The following LRMDA variants were observed in gnomAD, a reference collection of about 807,000 sequenced individuals.
LRMDA encodes leucine rich melanocyte differentiation associated, also known as leucine-rich melanocyte differentiation-associated protein.
Under a neutral mutation model 29.8 loss-of-function variants are expected in LRMDA, and 18 were observed. That is an observed-to-expected ratio of 0.60 (90% confidence interval 0.42 to 0.90). LRMDA has a LOEUF of 0.90. LRMDA is among the 40% of genes least tolerant of loss of function. The probability of loss-of-function intolerance (pLI) is 0.00; values close to 1 mark genes in which losing one functional copy is unlikely to be tolerated. For missense variants in LRMDA, 273 were observed against 273.9 expected (o/e 1.00, Z 0.02); for synonymous variants, 125 against 109.4 (o/e 1.14, Z -0.89).
chr10:75,472,235 C>T (rs981888340), intron 2 of LRMDA, among the ~76,000 whole-genome samples: 2 of 152,164 alleles, frequency 1.3e-5, no homozygotes, highest in Non-Finnish European at 2.9e-5. Flanking sequence ...CCACCCTTTT[C>T]AACTTGACAC....
chr10:75,764,928 C>CGTGTGTGT (rs57422251), intron 2 of LRMDA, among the ~76,000 whole-genome samples: 2,450 of 142,832 alleles, frequency 0.017, 42 homozygotes, highest in African/African-American at 0.032. Flanking sequence ...GCAAGAGACA[C>CGTGTGTGT]GTGTGTGTGT....
chr10:76,336,122 C>T (rs879598718), intron 6 of LRMDA, among the ~76,000 whole-genome samples: 1 of 151,824 alleles, frequency 6.6e-6, no homozygotes, highest in South Asian at 2.1e-4. Context: ...ATCACCATTC[C>T]CCAAGGCCTT....
At chr10:75,987,725 G>A (rs1314183122) in intron 2 of LRMDA, among the ~76,000 whole-genome samples, 2 of 152,180 alleles carry the variant, frequency 1.3e-5, no homozygotes, top group East Asian at 3.9e-4. Flanking sequence ...GTTGGTAAGA[G>A]AATGAGCTTT....
intron 5 of LRMDA, among the ~76,000 whole-genome samples, chr10:76,213,958 T>C (rs983885338): frequency 6.6e-6 from 1 of 151,930 alleles, no homozygotes; most frequent in Non-Finnish European, 1.5e-5. Context: ...CCTTTGGAGG[T>C]CATGCAATGT....
intron 2 of LRMDA, among the ~76,000 whole-genome samples, chr10:75,573,448 T>C (rs1430956770): frequency 1.3e-5 from 2 of 152,212 alleles, no homozygotes; most frequent in African/African-American, 4.8e-5. Context: ...TATGTCCTCC[T>C]AGCAATTTAT....
chr10:76,191,905 G>GA (rs751146644), intron 5 of LRMDA, among the ~76,000 whole-genome samples: 34 of 152,292 alleles, frequency 2.2e-4, no homozygotes, highest in Non-Finnish European at 4.6e-4. Flanking sequence ...CATCTTCTGG[G>GA]AGTGGCACCA....
chr10:76,146,875 G>T (rs1850333474), intron 5 of LRMDA, among the ~76,000 whole-genome samples: 1 of 152,138 alleles, frequency 6.6e-6, no homozygotes, highest in African/African-American at 2.4e-5. Flanking sequence ...ATTTAGGGCA[G>T]GCCTGCTGGT....
At chr10:76,264,276 T>C (rs1254993465) in intron 5 of LRMDA, among the ~76,000 whole-genome samples, 1 of 151,652 alleles carries the variant, frequency 6.6e-6, no homozygotes, top group African/African-American at 2.4e-5. Context: ...GGTACATGCC[T>C]GTAGTCTGTA....
rs536610449 is a variant in LRMDA, at chr10:76,443,590, G to T, written c.602-113619G>T. Reference sequence around the variant, plus strand: ...ATGAAACCATCTTTAATATCACTTTGCTAGCTATCAATACAGCATAGTGTA... The same window carrying T: ...ATGAAACCATCTTTAATATCACTTTTCTAGCTATCAATACAGCATAGTGTA... On this transcript the variant is annotated intron_variant, in intron 6 of 6. Transcript: ENST00000611255. 3.3e-5 allele frequency among the ~76,000 whole-genome samples: 5 copies of T among 152,298 alleles called. No individual in the cohort carries two copies. In the South Asian group the frequency reaches 1.0e-3, roughly 32 times the overall value.
At position 75,991,236 on chromosome 10, in the gene LRMDA, G is replaced by A. The variant is rs551774880; in HGVS notation, c.132-44772G>A. Among the ~76,000 whole-genome samples the A allele has an allele frequency of 5.9e-5, 9 of 152,284 alleles. No individual in the cohort carries two copies. In the South Asian group the frequency reaches 1.9e-3, roughly 32 times the overall value. On this transcript the variant is annotated intron_variant, in intron 2 of 6. Transcript: ENST00000611255. The stretch of plus-strand genomic sequence containing the variant: ...TGTGTGCATAATTGCTGGCTGTCGA[G>A]TGGAAGATAGGGAATATAGAATGGG...
At chr10:75,571,601 C>T (rs1283567122) in intron 2 of LRMDA, among the ~76,000 whole-genome samples, 2 of 152,154 alleles carry the variant, frequency 1.3e-5, no homozygotes, top group African/African-American at 2.4e-5. Context: ...GTCATGGGCA[C>T]GTAACACTGT....
intron 5 of LRMDA, among the ~76,000 whole-genome samples, chr10:76,320,194 T>C (rs1438265062): frequency 6.6e-6 from 1 of 152,246 alleles, no homozygotes; most frequent in Non-Finnish European, 1.5e-5. Flanking sequence ...CTACCTTCCT[T>C]CTTTCCATTA....
intron 5 of LRMDA, among the ~76,000 whole-genome samples, chr10:76,177,547 G>A (rs1247305017): frequency 2.6e-5 from 4 of 152,160 alleles, no homozygotes; most frequent in African/African-American, 9.7e-5. Context: ...TTGCTTTAAT[G>A]GGAAAATTAA....
intron 2 of LRMDA, among the ~76,000 whole-genome samples, chr10:75,617,243 A>G (rs1340802982): frequency 6.6e-6 from 1 of 152,188 alleles, no homozygotes; most frequent in Non-Finnish European, 1.5e-5. Context: ...GGGAATGAGA[A>G]GCCCAGGGAG....
chr10:75,455,814 T>A (rs1399937111), intron 2 of LRMDA, among the ~76,000 whole-genome samples: 1 of 152,202 alleles, frequency 6.6e-6, no homozygotes, highest in African/African-American at 2.4e-5. Flanking sequence ...AACTGAGACC[T>A]GAGCCACCTC....
At chr10:75,858,031 G>T (rs1844857062) in intron 2 of LRMDA, among the ~76,000 whole-genome samples, 2 of 152,214 alleles carry the variant, frequency 1.3e-5, no homozygotes. Flanking sequence ...AGCCCAGATG[G>T]CTCAAAGTCT....
intron 2 of LRMDA, among the ~76,000 whole-genome samples, chr10:75,697,831 A>AAG (rs1454319847): frequency 7.9e-6 from 1 of 126,160 alleles, no homozygotes; most frequent in Non-Finnish European, 1.7e-5. Flanking sequence ...ATGTGCATGT[A>AAG]AGAGTGTGTG....
intron 2 of LRMDA, among the ~76,000 whole-genome samples, chr10:75,989,405 G>A (rs1229189438): frequency 6.6e-6 from 1 of 152,154 alleles, no homozygotes; most frequent in African/African-American, 2.4e-5. Context: ...GGGAGAGAAG[G>A]GGGAGGTGCC....
At chr10:75,586,836 T>C (rs981389851) in intron 2 of LRMDA, among the ~76,000 whole-genome samples, 3 of 151,208 alleles carry the variant, frequency 2.0e-5, no homozygotes, top group Non-Finnish European at 4.4e-5. Context: ...TTTTTTTAAC[T>C]ATTCAGTTGT....
Sources: gnomAD v4.1 joint callset for allele counts (sites outside exome capture counted in the v4.1 genomes callset) on GRCh38, gnomAD v4.1.1 for gene constraint, MANE v1.5 for transcripts, NCBI Gene and HGNC (gene_info 2026-07-23, HGNC 2026-07-21) for gene names.